The following C2orf72 variants were observed in gnomAD, a reference collection of about 807,000 sequenced individuals.
C2orf72 encodes the protein chromosome 2 open reading frame 72.
A neutral mutation model predicts 14.4 loss-of-function variants in C2orf72; 16 were observed. The ratio of observed to expected loss-of-function variants is 1.11; its 90% CI spans 0.75 to 1.69. The LOEUF is 1.69. Among genes scored for constraint, C2orf72 ranks in the 40% most tolerant of loss-of-function variants. The pLI is 0.00. For missense variants in C2orf72, 371 were observed against 358.3 expected (o/e 1.04, Z -0.29); for synonymous variants, 168 against 176.8 (o/e 0.95, Z 0.40).
rs1272903347 is a variant in C2orf72 at position 231,037,558 on chromosome 2, C to G, written c.-8C>G. The stretch of plus-strand genomic sequence containing the variant: ...CGCGGCGGCCGCAGAGGGCGGGCGG[C>G]GGCCAGCATGGAGCGCGAGCTGGAG... On this transcript the variant is annotated 5_prime_UTR_variant, in exon 1 of 3. Coordinates refer to ENST00000373640, the MANE Select transcript of C2orf72 (RefSeq NM_001144994.2). 2.6e-5 allele frequency: 26 copies of G among 1,010,730 alleles called. No individual in the cohort carries two copies. Among genetic ancestry groups the G allele is most frequent in the Non-Finnish European group, 3.1e-5 (26 of 848,660 alleles). 62.6% of individuals were successfully genotyped at this position (1,010,730 alleles called of 1,614,324 possible). A position where few individuals can be genotyped will look rare whatever the true frequency, so the allele number is the denominator to read the frequency against.
chr2:231,046,981 T>G lies in C2orf72; in HGVS notation c.848T>G (p.Val283Gly). ...AGGGGGTCAAAAGCCTGTGATGGAG[T>G]CGTACACACTCCTGCTGAGCCCACC... The part of the protein sequence containing the change: ...LGRGSKACDG[V>G]VHTPAEPTGD... The change falls in exon 3 of 3, where the codon GTC (valine) becomes GGC (glycine). Residue 283 changes from valine to glycine, a missense_variant. Val to Gly is a moderately radical substitution (Grantham distance 109). Transcript: ENST00000373640. 1.9e-6 allele frequency: 3 copies of G among 1,550,412 alleles called. No homozygotes were observed. The highest frequency in any genetic ancestry group is 2.6e-6 in the Non-Finnish European group (3 of 1,146,698).
chr2:231,039,501 G>T (rs889781098), intron 1 of C2orf72, among the ~76,000 whole-genome samples: 5 of 151,900 alleles, frequency 3.3e-5, no homozygotes, highest in Non-Finnish European at 7.4e-5. Flanking sequence ...TATTGGCGTT[G>T]GTTGGGGGGC....
At chr2:231,044,391 C>A (rs1286734804) in intron 2 of C2orf72, among the ~76,000 whole-genome samples, 4 of 152,008 alleles carry the variant, frequency 2.6e-5, no homozygotes, top group Non-Finnish European at 5.9e-5. Flanking sequence ...GCCTGTAGAC[C>A]CTGCTACTCC....
chr2:231,047,166 G>A lies in C2orf72; in HGVS notation c.*145G>A. The A allele has an allele frequency of 1.0e-6, 1 of 1,001,746 alleles. No individual in the cohort carries two copies. The highest frequency in any genetic ancestry group is 1.5e-6 in the Non-Finnish European group (1 of 654,960). The allele number at this position is 1,001,746 out of a possible 1,614,324, so 62.1% of individuals were successfully genotyped here. ...ACTCACAGTTACCAGCTAGACAGTG[G>A]GGCTTACTAAGACAAGCAGGACCTA... On this transcript the variant is annotated 3_prime_UTR_variant, in exon 3 of 3. Transcript: ENST00000373640.
In C2orf72 at chr2:231,046,205, A is replaced by G. The variant is rs1040139962; in HGVS notation, c.749-677A>G. Among the ~76,000 whole-genome samples the G allele has an allele frequency of 3.3e-5, 5 of 152,234 alleles. 1 individual carries two copies. The South Asian group carries it at 8.3e-4, about 25-fold the overall frequency. Reference sequence around the variant, plus strand: ...TTCCCCCAATGGTAACATTTTGCAAAACTATAGTGCAATAGCACAAACGGG... The same window carrying G: ...TTCCCCCAATGGTAACATTTTGCAAGACTATAGTGCAATAGCACAAACGGG... On this transcript the variant is annotated intron_variant, in intron 2 of 2. Coordinates refer to ENST00000373640, the MANE Select transcript of C2orf72 (RefSeq NM_001144994.2).
At chr2:231,041,972 G>T (rs536421480) in intron 2 of C2orf72, among the ~76,000 whole-genome samples, 5 of 152,266 alleles carry the variant, frequency 3.3e-5, no homozygotes, top group African/African-American at 9.6e-5. Context: ...GCCTTCAGGA[G>T]TAGTGTGCCA....
At position 231,047,219 on chromosome 2, in the gene C2orf72, C is replaced by T. The variant is rs953564317; in HGVS notation, c.*198C>T. On this transcript the variant is annotated 3_prime_UTR_variant, in exon 3 of 3. Coordinates refer to ENST00000373640, the MANE Select transcript of C2orf72 (RefSeq NM_001144994.2). Reference sequence around the variant, plus strand: ...ACAGTGTCTCCCCTGGGAACCTACTCCCCACCCAGCATTTGCTAAGTCTGA... The same window carrying T: ...ACAGTGTCTCCCCTGGGAACCTACTTCCCACCCAGCATTTGCTAAGTCTGA... 1.4e-6 allele frequency: 1 copy of T among 712,368 alleles called. No homozygotes were observed. The highest frequency in any genetic ancestry group is 2.5e-6 in the Non-Finnish European group (1 of 398,850). 44.1% of individuals were successfully genotyped at this position (712,368 alleles called of 1,614,324 possible).
chr2:231,041,485 A>T, intron 2 of C2orf72, 76 bp downstream of exon 2: 3 of 1,140,342 alleles, frequency 2.6e-6, no homozygotes, highest in Non-Finnish European at 3.8e-6. Flanking sequence ...GAACTTGGGG[A>T]CCTTAGGGAC....
chr2:231,045,667 C>T (rs964645159), intron 2 of C2orf72, among the ~76,000 whole-genome samples: 12 of 151,960 alleles, frequency 7.9e-5, no homozygotes, highest in African/African-American at 1.7e-4. Context: ...TACAGGCTCC[C>T]GCCACCACGC....
intron 2 of C2orf72, 145 bp from the exon 3 acceptor site, chr2:231,046,737 T>G (rs1198595456): frequency 1.5e-5 from 11 of 757,578 alleles, no homozygotes; most frequent in East Asian, 5.5e-5. Flanking sequence ...TCAAAGGGTG[T>G]GTACATCGTT....
chr2:231,046,478 C>T (rs1693417634), intron 2 of C2orf72, among the ~76,000 whole-genome samples: 1 of 152,178 alleles, frequency 6.6e-6, no homozygotes, highest in African/African-American at 2.4e-5. Flanking sequence ...CCATGACACA[C>T]ATGAGCACAA....
In C2orf72 at chr2:231,037,962, C is replaced by G. The variant is rs1011306751; in HGVS notation, c.397C>G (p.Arg133Gly). The change falls in exon 1 of 3, where the codon CGC becomes GGC. Residue 133 changes from arginine to glycine, a missense_variant. This residue lies in a region of C2orf72 where 214 missense variants were observed against 178.7 expected (regional missense o/e 1.20). Coordinates refer to ENST00000373640, the MANE Select transcript of C2orf72 (RefSeq NM_001144994.2). ...CCTGCGGGAGATGCTGCGGGACGTGCGCGGCCGGCGGCGGGCCGGGGCGGC... is the reference window on the plus strand; with the variant it reads ...CCTGCGGGAGATGCTGCGGGACGTGGGCGGCCGGCGGCGGGCCGGGGCGGC... ...RRLREMLRDV[R>G]GRRRAGAALV... The G allele has an allele frequency of 1.5e-3, 1,525 of 1,018,086 alleles. No individual in the cohort carries two copies. Among genetic ancestry groups the G allele is most frequent in the Non-Finnish European group, 1.7e-3 (1,458 of 857,776 alleles). 63.1% of individuals were successfully genotyped at this position (1,018,086 alleles called of 1,614,324 possible).
At chr2:231,041,448 T>G in intron 2 of C2orf72, 39 bp downstream of exon 2, 3 of 1,461,006 alleles carry the variant, frequency 2.1e-6, no homozygotes, top group Non-Finnish European at 2.8e-6. Context: ...GAGGGCCAGG[T>G]GCATGGAATT....
chr2:231,040,646 C>T (rs1693329128), intron 1 of C2orf72, among the ~76,000 whole-genome samples: 1 of 152,230 alleles, frequency 6.6e-6, no homozygotes. Flanking sequence ...CAATTTCTTT[C>T]CTCACCGTCT....
chr2:231,037,618 C>T lies in C2orf72; in HGVS notation c.53C>T (p.Pro18Leu). 1 of 1,106,012 alleles carries T rather than the reference C, an allele frequency of 9.0e-7. No individual in the cohort carries two copies. Among genetic ancestry groups the T allele is most frequent in the Non-Finnish European group, 1.1e-6 (1 of 904,470 alleles). 68.5% of individuals were successfully genotyped at this position (1,106,012 alleles called of 1,614,324 possible). Residue 18 changes from proline to leucine, a missense_variant, in exon 1 of 3, where the codon CCG (proline) becomes CTG (leucine). Physicochemically the swap from Pro to Leu is moderately conservative, Grantham distance 98. Coordinates refer to ENST00000373640, the MANE Select transcript of C2orf72 (RefSeq NM_001144994.2). Reference sequence around the variant, plus strand: ...GCCCGGCTTGCGCGCCCTGCCGAGCCGCCCTTCCAGGCGTTGGTGGAAGCG... The same window carrying T: ...GCCCGGCTTGCGCGCCCTGCCGAGCTGCCCTTCCAGGCGTTGGTGGAAGCG... ...LAARLARPAE[P>L]PFQALVEAAG...
chr2:231,046,291 AGTGTGTGTGTGTGTGTGTGTGTGT>A (rs34513584), intron 2 of C2orf72, among the ~76,000 whole-genome samples: 1 of 136,182 alleles, frequency 7.3e-6, no homozygotes, highest in African/African-American at 2.7e-5. Context: ...ACTTCTATGC[AGTGTGTGTGTGTGTGTGTGTGTGT>A]GTGTGTGTGT....
At chr2:231,045,332 T>C (rs1693401854) in intron 2 of C2orf72, among the ~76,000 whole-genome samples, 1 of 151,904 alleles carries the variant, frequency 6.6e-6, no homozygotes, top group Non-Finnish European at 1.5e-5. Flanking sequence ...TCATTTCTTA[T>C]TATTATCAAG....
intron 1 of C2orf72, among the ~76,000 whole-genome samples, chr2:231,039,506 G>T (rs964472480): frequency 1.5e-4 from 23 of 151,998 alleles, no homozygotes; most frequent in South Asian, 1.2e-3. Context: ...GCGTTGGTTG[G>T]GGGGCGGAGG....
chr2:231,041,837 G>A (rs761991562), intron 2 of C2orf72, among the ~76,000 whole-genome samples: 34 of 152,110 alleles, frequency 2.2e-4, no homozygotes, highest in Non-Finnish European at 4.0e-4. Context: ...AGGAGTGACA[G>A]CATGATGTCA....
Sources: allele counts gnomAD v4.1 joint callset (sites outside exome capture counted in the v4.1 genomes callset), GRCh38; gene constraint gnomAD v4.1.1; regional missense constraint gnomAD v4.1.1; transcripts MANE v1.5; gene names NCBI Gene and HGNC (gene_info 2026-07-23, HGNC 2026-07-21).